The following PSEN1 variants were observed in gnomAD, a reference collection of about 807,000 sequenced individuals.
PSEN1 encodes the protein presenilin 1, also known as presenilin-1.
PSEN1 carries 15 observed loss-of-function variants against 53.5 expected under a neutral mutation model. That is an observed-to-expected ratio of 0.28 (90% CI 0.19 to 0.43). PSEN1 has a LOEUF of 0.43. Ranked by LOEUF, PSEN1 falls within the 20% of genes least tolerant of loss-of-function variation. PSEN1 has a pLI of 1.00. For synonymous variants in PSEN1, 208 were observed against 209.8 expected (o/e 0.99, Z 0.08); for missense variants, 387 against 571.2 (o/e 0.68, Z 3.29).
chr14:73,217,514 G>T (rs1899964901), intron 11 of PSEN1, among the ~76,000 whole-genome samples: 1 of 152,116 alleles, frequency 6.6e-6, no homozygotes, highest in Non-Finnish European at 1.5e-5. Context: ...GGAAATTCTG[G>T]TATTTCTGTT....
chr14:73,184,741 G>T lies in PSEN1; in HGVS notation c.481-2112G>T, dbSNP rs561587777. Among the ~76,000 whole-genome samples, 552 of 151,450 alleles carry T rather than the reference G, an allele frequency of 3.6e-3. 10 individuals are homozygous for T. In the East Asian group the frequency reaches 0.093, roughly 25 times the overall value. On this transcript the variant is annotated intron_variant, in intron 5 of 11. Coordinates refer to ENST00000324501, the MANE Select transcript of PSEN1 (RefSeq NM_000021.4). ...GGATGGGGCGGCTGGCCTGGCGGGG[G>T]GCTGACCCCCCCCACCTCCCTCCCG...
At chr14:73,213,504 G>T (rs1241600180) in intron 10 of PSEN1, among the ~76,000 whole-genome samples, 1 of 151,970 alleles carries the variant, frequency 6.6e-6, no homozygotes, top group African/African-American at 2.4e-5. Flanking sequence ...AATAACGGAC[G>T]TGCTTCATCA....
intron 6 of PSEN1, among the ~76,000 whole-genome samples, chr14:73,190,676 A>G (rs1403891933): frequency 6.6e-6 from 1 of 152,040 alleles, no homozygotes; most frequent in Non-Finnish European, 1.5e-5. Flanking sequence ...GCTTGAGCCT[A>G]GGAGTTCATA....
chr14:73,182,145 T>C (rs1003606612), intron 5 of PSEN1, among the ~76,000 whole-genome samples: 4 of 152,182 alleles, frequency 2.6e-5, no homozygotes, highest in African/African-American at 9.7e-5. Flanking sequence ...TTAGTGTTTC[T>C]GTGTTTCTTA....
At chr14:73,216,002 G>A (rs962767145) in intron 10 of PSEN1, among the ~76,000 whole-genome samples, 3 of 152,112 alleles carry the variant, frequency 2.0e-5, no homozygotes, top group African/African-American at 4.8e-5. Flanking sequence ...GGACATAAAT[G>A]TTCATAGCAG....
chr14:73,206,560 T>A (rs757744941), intron 9 of PSEN1, 88 bp downstream of exon 9: 11 of 898,826 alleles, frequency 1.2e-5, no homozygotes, highest in Non-Finnish European at 2.0e-5. Context: ...CGTCTTTCTT[T>A]GGTCATAGAC....
At position 73,140,208 on chromosome 14, in the gene PSEN1, T is replaced by G. The variant is rs1175867000; in HGVS notation, c.-136+3625T>G. 8.3e-5 allele frequency among the ~76,000 whole-genome samples: 11 copies of G among 132,778 alleles called. No individual in the cohort carries two copies. In the South Asian group the frequency reaches 2.9e-3, roughly 35 times the overall value. 87.1% of individuals were successfully genotyped at this position (132,778 alleles called of 152,430 possible). On this transcript the variant is annotated intron_variant, in intron 1 of 11. Transcript: ENST00000324501. ...TTTTTCTTTTTTTGCTATTCTTTTT[T>G]TTTTTTTTTTTTTTTTTTTTGAGAC... is the stretch of plus-strand genomic sequence containing the variant.
At chr14:73,147,582 C>A (rs1594964062) in intron 1 of PSEN1, 1 of 215,488 alleles carries the variant, frequency 4.6e-6, no homozygotes, top group Admixed American at 5.3e-5. Context: ...CATTAAGTAT[C>A]TTTGTGGTTG....
chr14:73,143,873 C>CA (rs1314660720), intron 1 of PSEN1, among the ~76,000 whole-genome samples: 2 of 151,730 alleles, frequency 1.3e-5, no homozygotes, highest in African/African-American at 4.8e-5. Context: ...CATGTAGTCC[C>CA]ACCTGCTTGG....
intron 5 of PSEN1, among the ~76,000 whole-genome samples, chr14:73,180,092 C>T (rs1354429009): frequency 6.6e-6 from 1 of 152,036 alleles, no homozygotes; most frequent in Non-Finnish European, 1.5e-5. Context: ...TCAAGTGATT[C>T]TCCTGCCTCA....
chr14:73,221,111 G>A lies in PSEN1; in HGVS notation c.*1822G>A, dbSNP rs1396052144. The A allele has an allele frequency of 6.6e-6, 1 of 152,156 alleles. No individual in the cohort carries two copies. Among genetic ancestry groups the A allele is most frequent in the Non-Finnish European group, 1.5e-5 (1 of 68,030 alleles). The allele number at this position is 152,156 out of a possible 1,614,324, so 9.4% of individuals were successfully genotyped here. On this transcript the variant is annotated 3_prime_UTR_variant, in exon 12 of 12. Coordinates refer to ENST00000324501, the MANE Select transcript of PSEN1 (RefSeq NM_000021.4). Reference sequence around the variant, plus strand: ...ACCTAACTTCAAGAGTAGTGTGCGAGTACTGATCTGAATTTAAATTAAAAT... The same window carrying A: ...ACCTAACTTCAAGAGTAGTGTGCGAATACTGATCTGAATTTAAATTAAAAT...
intron 9 of PSEN1, among the ~76,000 whole-genome samples, chr14:73,207,962 AC>A (rs763561530): frequency 6.6e-6 from 1 of 152,212 alleles, no homozygotes; most frequent in South Asian, 2.1e-4. Context: ...GGCCACTACC[AC>A]TAGTAAACCT....
At chr14:73,193,857 A>G (rs904163549) in intron 7 of PSEN1, among the ~76,000 whole-genome samples, 1 of 151,992 alleles carries the variant, frequency 6.6e-6, no homozygotes, top group African/African-American at 2.4e-5. Flanking sequence ...ACGTCTTGCT[A>G]TATTGCCTAG....
At chr14:73,159,616 C>T (rs1897468447) in intron 3 of PSEN1, among the ~76,000 whole-genome samples, 1 of 152,112 alleles carries the variant, frequency 6.6e-6, no homozygotes, top group Non-Finnish European at 1.5e-5. Flanking sequence ...GCCTTTGTAC[C>T]TTTGCAAAAA....
intron 10 of PSEN1, among the ~76,000 whole-genome samples, chr14:73,215,641 C>A (rs572716851): frequency 6.6e-6 from 1 of 151,950 alleles, no homozygotes; most frequent in Non-Finnish European, 1.5e-5. Flanking sequence ...ATAAAGGATG[C>A]TTACAACTTA....
At chr14:73,183,724 G>C (rs1192135601) in intron 5 of PSEN1, among the ~76,000 whole-genome samples, 1 of 151,418 alleles carries the variant, frequency 6.6e-6, no homozygotes, top group Non-Finnish European at 1.5e-5. Context: ...GCAACCATCC[G>C]ATTTCTCAAT....
At chr14:73,218,332 C>T (rs1363436008) in intron 11 of PSEN1, among the ~76,000 whole-genome samples, 1 of 152,082 alleles carries the variant, frequency 6.6e-6, no homozygotes, top group Non-Finnish European at 1.5e-5. Flanking sequence ...ACTGATCTGC[C>T]TGCCTCAGCC....
In PSEN1 at chr14:73,165,410, A is replaced by G. The variant is rs556287832; in HGVS notation, c.88-5387A>G. On this transcript the variant is annotated intron_variant, in intron 3 of 11. Transcript: ENST00000324501. The stretch of plus-strand genomic sequence containing the variant: ...GTTAGCCTCCTGAGTACCTGGGACT[A>G]TAGGTATGTGCCACTATTCCTGAAA... Among the ~76,000 whole-genome samples the G allele has an allele frequency of 9.2e-5, 14 of 152,266 alleles. No individual in the cohort carries two copies. The South Asian group carries it at 2.7e-3, about 29-fold the overall frequency.
At position 73,222,997 on chromosome 14, in the gene PSEN1, G is replaced by A. The variant is rs1310443518; in HGVS notation, c.*3708G>A. 6.6e-6 allele frequency: 1 copy of A among 152,218 alleles called. No homozygotes were observed. The highest frequency in any genetic ancestry group is 1.5e-5 in the Non-Finnish European group (1 of 68,044). 9.4% of individuals were successfully genotyped at this position (152,218 alleles called of 1,614,324 possible). A position where few individuals can be genotyped will look rare whatever the true frequency, so the allele number is the denominator to read the frequency against. ...TATAATCATAAGTTTGAGCCTAGAAGTGATCCTTGTGATCTTCTCACCTCT... is the reference window on the plus strand; with the variant it reads ...TATAATCATAAGTTTGAGCCTAGAAATGATCCTTGTGATCTTCTCACCTCT... On this transcript the variant is annotated 3_prime_UTR_variant, in exon 12 of 12. Transcript: ENST00000324501.
Sources: allele counts gnomAD v4.1 joint callset (sites outside exome capture counted in the v4.1 genomes callset), GRCh38; gene constraint gnomAD v4.1.1; transcripts MANE v1.5; gene names NCBI Gene and HGNC (gene_info 2026-07-23, HGNC 2026-07-21).